Variants in MPC1 observed in about 807,000 individuals in gnomAD.
MPC1 encodes the protein HSPC040 protein.
In MPC1, 6 loss-of-function variants were observed where a neutral mutation model predicts 13.9. The ratio of observed to expected loss-of-function variants is 0.43; its 90% CI spans 0.24 to 0.85. The LOEUF (loss-of-function observed/expected upper bound fraction) is 0.85, where lower values mean the gene tolerates loss of function less well. Ranked by LOEUF, MPC1 falls within the 40% of genes least tolerant of loss-of-function variation. The pLI, the probability that MPC1 is intolerant of heterozygous loss-of-function variation, is 0.24. For missense variants in MPC1, 115 were observed against 143.3 expected (o/e 0.80, Z 1.01); for synonymous variants, 47 against 50.5 (o/e 0.93, Z 0.29).
intron 2 of MPC1, chr6:166,369,464 A>G (rs1375901375): frequency 6.5e-6 from 1 of 154,908 alleles, no homozygotes; most frequent in East Asian, 1.9e-4. Flanking sequence ...GTTATAGGAA[A>G]CAGTTCTGCA....
In MPC1 at chr6:166,366,895, C is replaced by CA. The variant is rs1356916904; in HGVS notation, c.76-5dup. ...TGGCTACTGGGCCCCAGAAGTGCTA[C>CA]AAAAAATGAGAGGAAAAGAATGAAG... On this transcript the variant is annotated splice_region_variant and splice_polypyrimidine_tract_variant and intron_variant, in intron 2 of 4. Transcript: ENST00000360961. 3 of 1,613,694 alleles carry CA rather than the reference C, an allele frequency of 1.9e-6. No individual in the cohort carries two copies. The highest frequency in any genetic ancestry group is 2.5e-6 in the Non-Finnish European group (3 of 1,179,818).
chr6:166,369,224 A>G (rs1290591458), intron 2 of MPC1, among the ~76,000 whole-genome samples: 2 of 152,156 alleles, frequency 1.3e-5, no homozygotes, highest in Non-Finnish European at 2.9e-5. Context: ...CAACATGGTG[A>G]AACCCCGTCT....
intron 1 of MPC1, among the ~76,000 whole-genome samples, chr6:166,371,586 T>A (rs1779382804): frequency 6.6e-6 from 1 of 152,232 alleles, no homozygotes; most frequent in African/African-American, 2.4e-5. Context: ...CTAGTTGTTT[T>A]GTTTTAGAGA....
chr6:166,367,077 T>G, intron 2 of MPC1, 186 bp from the exon 3 acceptor site: 1 of 1,456,708 alleles, frequency 6.9e-7, no homozygotes, highest in South Asian at 1.2e-5. Flanking sequence ...CAAGTGTTCC[T>G]GTAGGAATCA....
chr6:166,381,832 T>C (rs1779794820), intron 1 of MPC1: 1 of 983,314 alleles, frequency 1.0e-6, no homozygotes, highest in Non-Finnish European at 1.2e-6. Flanking sequence ...TATAAAAACA[T>C]CTTAAATTGT....
intron 1 of MPC1, among the ~76,000 whole-genome samples, chr6:166,374,446 T>A (rs972303379): frequency 2.0e-5 from 3 of 152,238 alleles, no homozygotes; most frequent in African/African-American, 7.2e-5. Flanking sequence ...GTCCAGCTTA[T>A]CAATTATTTC....
chr6:166,375,885 G>A (rs1417724886), intron 1 of MPC1, among the ~76,000 whole-genome samples: 6 of 152,120 alleles, frequency 3.9e-5, no homozygotes, highest in African/African-American at 1.4e-4. Context: ...GTCTACTGAT[G>A]TTCATCATAT....
At chr6:166,366,303 T>A (rs1158586741) in intron 3 of MPC1, among the ~76,000 whole-genome samples, 197 bp from the exon 4 acceptor site, 1 of 152,206 alleles carries the variant, frequency 6.6e-6, no homozygotes, top group South Asian at 2.1e-4. Flanking sequence ...CTGCTATGCA[T>A]TTTTGTTAAT....
At position 166,376,255 on chromosome 6, in the gene MPC1, T is replaced by A. The variant is rs925736950; in HGVS notation, c.72-6034A>T. 1.5e-4 allele frequency among the ~76,000 whole-genome samples: 23 copies of A among 152,226 alleles called. 1 individual carries two copies. Among genetic ancestry groups the A allele is most frequent in the African/African-American group, 5.1e-4 (21 of 41,516 alleles). Reference sequence around the variant, plus strand: ...TAAGTTTCACAAGCTGGAGAATCAGTAAAGCCAGTGCTGTAACTCAGTCTG... The same window carrying A: ...TAAGTTTCACAAGCTGGAGAATCAGAAAAGCCAGTGCTGTAACTCAGTCTG... On this transcript the variant is annotated intron_variant, in intron 1 of 4. Transcript: ENST00000360961.
intron 1 of MPC1, among the ~76,000 whole-genome samples, chr6:166,380,801 T>G (rs1562462360): frequency 6.6e-6 from 1 of 151,008 alleles, no homozygotes; most frequent in Non-Finnish European, 1.5e-5. Context: ...TAGCCTGGCG[T>G]GGTGGTGCAT....
At chr6:166,381,462 A>G (rs1295317187) in intron 1 of MPC1, among the ~76,000 whole-genome samples, 4 of 152,212 alleles carry the variant, frequency 2.6e-5, no homozygotes, top group Admixed American at 2.0e-4. Context: ...TGTGGTTATA[A>G]CAGGATTTAT....
At chr6:166,380,190 G>A (rs1305152169) in intron 1 of MPC1, among the ~76,000 whole-genome samples, 3 of 152,216 alleles carry the variant, frequency 2.0e-5, no homozygotes, top group Admixed American at 2.0e-4. Context: ...TGCAAAAACA[G>A]AAGGATATAA....
In MPC1 at chr6:166,366,991, G is replaced by A. The variant is rs201621198; in HGVS notation, c.76-100C>T. On this transcript the variant is annotated intron_variant, in intron 2 of 4. Transcript: ENST00000360961. Reference sequence around the variant, plus strand: ...TACTTTAAATAATCACGTGAAACTCGTGAGAACAAATCTTCGTTTCCATCT... The same window carrying A: ...TACTTTAAATAATCACGTGAAACTCATGAGAACAAATCTTCGTTTCCATCT... 1.6e-5 allele frequency: 26 copies of A among 1,585,522 alleles called. No individual in the cohort carries two copies. The East Asian group carries it at 2.9e-4, about 18-fold the overall frequency.
At chr6:166,375,659 A>G (rs980717762) in intron 1 of MPC1, among the ~76,000 whole-genome samples, 1 of 152,164 alleles carries the variant, frequency 6.6e-6, no homozygotes, top group Admixed American at 6.5e-5. Context: ...TCTTTGACCC[A>G]GAGTTATTTA....
intron 1 of MPC1, among the ~76,000 whole-genome samples, chr6:166,372,394 T>C (rs1779413661): frequency 6.6e-6 from 1 of 152,024 alleles, no homozygotes; most frequent in Non-Finnish European, 1.5e-5. Context: ...ATAAGGGAGA[T>C]TATAAATGTA....
chr6:166,377,147 C>T (rs1412720907), intron 1 of MPC1, among the ~76,000 whole-genome samples: 3 of 138,334 alleles, frequency 2.2e-5, no homozygotes, highest in East Asian at 2.1e-4. Context: ...ATTATTTATT[C>T]TTTTTTTTTT....
At position 166,366,827 on chromosome 6, in the gene MPC1, G is replaced by A. The variant is rs759463036; in HGVS notation, c.140C>T (p.Ser47Phe). Residue 47 changes from serine (S) to phenylalanine (F), a missense_variant, in exon 3 of 5, where the codon TCT becomes TTT. Ser to Phe is a radical substitution (Grantham distance 155). Coordinates refer to ENST00000360961, the MANE Select transcript of MPC1 (RefSeq NM_016098.4). ...PIAAINDMKK[S>F]PEIISGRMTF... Reference sequence around the variant, plus strand: ...CATCCGCCCACTGATAATCTCTGGAGACTTTTTCATATCATTGATGGCAGC... The same window carrying A: ...CATCCGCCCACTGATAATCTCTGGAAACTTTTTCATATCATTGATGGCAGC... The A allele has an allele frequency of 6.2e-7, 1 of 1,614,076 alleles. No homozygotes were observed. The highest frequency in any genetic ancestry group is 8.5e-7 in the Non-Finnish European group (1 of 1,179,946).
chr6:166,379,273 T>G (rs1779678659), intron 1 of MPC1, among the ~76,000 whole-genome samples: 1 of 152,164 alleles, frequency 6.6e-6, no homozygotes, highest in Non-Finnish European at 1.5e-5. Context: ...ATGGGAGGAC[T>G]GCTTGACACT....
At chr6:166,368,257 C>T (rs536884732) in intron 2 of MPC1, among the ~76,000 whole-genome samples, 3 of 152,186 alleles carry the variant, frequency 2.0e-5, no homozygotes, top group Non-Finnish European at 4.4e-5. Flanking sequence ...GGAAATATTT[C>T]TTTGAAAATG....
Sources: allele counts gnomAD v4.1 joint callset (sites outside exome capture counted in the v4.1 genomes callset), GRCh38; gene constraint gnomAD v4.1.1; transcripts MANE v1.5; gene names NCBI Gene and HGNC (gene_info 2026-07-23, HGNC 2026-07-21).